Variants in ZPBP observed in about 807,000 individuals in gnomAD.
The protein encoded by ZPBP is zona pellucida-binding protein 1.
In ZPBP, 26 loss-of-function variants were observed where a neutral mutation model predicts 44.8. The ratio of observed to expected loss-of-function variants is 0.58; its 90% CI spans 0.43 to 0.81. The LOEUF is 0.81. ZPBP is among the 30% of genes least tolerant of loss of function. The probability of loss-of-function intolerance (pLI) is 0.00; values close to 1 mark genes in which losing one functional copy is unlikely to be tolerated. For missense variants in ZPBP, 409 were observed against 434.0 expected, an observed-to-expected ratio of 0.94 and a Z score of 0.51; for synonymous variants, 174 against 153.2, an observed-to-expected ratio of 1.14 and a Z score of -1.00.
intron 2 of ZPBP, among the ~76,000 whole-genome samples, chr7:50,086,284 G>A (rs1481640847): frequency 6.6e-6 from 1 of 151,956 alleles, no homozygotes; most frequent in East Asian, 1.9e-4. Context: ...TAAATGTCAA[G>A]TTTTCAACTA....
intron 2 of ZPBP, among the ~76,000 whole-genome samples, chr7:49,900,830 A>G (rs1792685008): frequency 6.6e-6 from 1 of 151,886 alleles, no homozygotes; most frequent in Non-Finnish European, 1.5e-5. Flanking sequence ...AAAGACTAAT[A>G]TTTCTTAAGA....
intron 7 of ZPBP, among the ~76,000 whole-genome samples, chr7:49,977,861 C>T (rs1047917589): frequency 2.0e-5 from 3 of 152,148 alleles, no homozygotes; most frequent in South Asian, 4.1e-4. Flanking sequence ...TCAGATATCT[C>T]AAACTCAGTG....
intron 3 of ZPBP, among the ~76,000 whole-genome samples, chr7:50,058,484 T>C (rs1801081105): frequency 6.6e-6 from 1 of 152,122 alleles, no homozygotes; most frequent in Admixed American, 6.5e-5. Flanking sequence ...CACATACATA[T>C]ATACATATAC....
At chr7:50,015,043 C>T (rs575092108) in intron 6 of ZPBP, among the ~76,000 whole-genome samples, 30 of 152,028 alleles carry the variant, frequency 2.0e-4, no homozygotes, top group Non-Finnish European at 4.0e-4. Flanking sequence ...CCATTGCCTG[C>T]AAATTCTGAA....
chr7:49,862,428 T>G (rs1346534721), intron 2 of ZPBP, among the ~76,000 whole-genome samples: 1 of 152,196 alleles, frequency 6.6e-6, no homozygotes, highest in African/African-American at 2.4e-5. Flanking sequence ...GAGATAGTTT[T>G]ATTTCTTCCT....
intron 1 of ZPBP, chr7:49,911,921 ACG>A: frequency 2.7e-6 from 2 of 743,212 alleles, no homozygotes; most frequent in Non-Finnish European, 3.7e-6. Context: ...AAACAAATAC[ACG>A]CACACACACA....
intron 1 of ZPBP, among the ~76,000 whole-genome samples, chr7:49,932,171 T>A (rs1004152354): frequency 3.3e-5 from 5 of 152,196 alleles, no homozygotes; most frequent in African/African-American, 1.2e-4. Context: ...AGCCCCCACA[T>A]GGAGTCCTCA....
chr7:49,969,711 C>T (rs1392094170), intron 7 of ZPBP, among the ~76,000 whole-genome samples: 2 of 151,174 alleles, frequency 1.3e-5, no homozygotes, highest in Non-Finnish European at 2.9e-5. Context: ...GCAAACAGCA[C>T]TGTATAAAAA....
chr7:49,886,926 T>TTG (rs1216060778), intron 2 of ZPBP, among the ~76,000 whole-genome samples: 5 of 152,164 alleles, frequency 3.3e-5, no homozygotes, highest in Non-Finnish European at 7.3e-5. Context: ...TATGGGTCCT[T>TTG]TTTAGTTATT....
At chr7:49,927,418 T>A (rs1221467798) in intron 1 of ZPBP, among the ~76,000 whole-genome samples, 1 of 152,118 alleles carries the variant, frequency 6.6e-6, no homozygotes, top group Non-Finnish European at 1.5e-5. Flanking sequence ...TGAGAATCTA[T>A]TTCCATCAAC....
Position 50,031,315 on chromosome 7 carries a change from A to C in ZPBP, c.488-5T>G, listed in dbSNP as rs1799598355. 6.2e-7 allele frequency: 1 copy of C among 1,605,074 alleles called. No homozygotes were observed. Among genetic ancestry groups the C allele is most frequent in the Admixed American group, 1.7e-5 (1 of 59,366 alleles). On this transcript the variant is annotated splice_polypyrimidine_tract_variant and splice_region_variant and intron_variant, in intron 4 of 7. Transcript: ENST00000046087. ...AATAATGAGGCTCACGATAAGCTGTAAAAAATTAACAAGAGAAAGACACAA... is the reference window on the plus strand; with the variant it reads ...AATAATGAGGCTCACGATAAGCTGTCAAAAATTAACAAGAGAAAGACACAA...
intron 2 of ZPBP, among the ~76,000 whole-genome samples, chr7:49,870,218 G>A (rs1053205254): frequency 6.6e-6 from 1 of 152,170 alleles, no homozygotes; most frequent in Non-Finnish European, 1.5e-5. Context: ...GGCTAAGACA[G>A]TGAAACTCCG....
At position 49,870,227 on chromosome 7, in the gene ZPBP, C is replaced by T. The variant is rs189001225; in HGVS notation, n.510-19713G>A. On this transcript the variant is annotated intron_variant and non_coding_transcript_variant, in intron 2 of 2. Coordinates refer to the ZPBP transcript ENST00000465922. ...CATCCTGGCTAAGACAGTGAAACTC[C>T]GTCTCTACTAAAAATACAAAAAATT... is the stretch of plus-strand genomic sequence containing the variant. 3.2e-3 allele frequency among the ~76,000 whole-genome samples: 486 copies of T among 152,108 alleles called. 6 individuals carry two copies. Among genetic ancestry groups the T allele is most frequent in the African/African-American group, 0.011 (451 of 41,502 alleles).
intron 6 of ZPBP, among the ~76,000 whole-genome samples, chr7:50,010,438 A>T (rs1273502431): frequency 6.6e-6 from 1 of 152,158 alleles, no homozygotes; most frequent in Non-Finnish European, 1.5e-5. Context: ...AAGTAAAATA[A>T]TCTTTAGCTT....
rs114496223 is a variant in ZPBP, at chr7:50,049,168, A to C, written c.487+8821T>G. Among the ~76,000 whole-genome samples, 690 of 152,220 alleles carry C rather than the reference A, an allele frequency of 4.5e-3. 3 individuals carry two copies. Among genetic ancestry groups the C allele is most frequent in the African/African-American group, 0.016 (671 of 41,582 alleles). On this transcript the variant is annotated intron_variant, in intron 4 of 7. Transcript: ENST00000046087. ...AGACCTGTAATAAAAAGGTTGAATT[A>C]GTAATCAAAAAACTACCTATGAAAA...
intron 1 of ZPBP, among the ~76,000 whole-genome samples, chr7:49,923,356 T>C (rs1040748789): frequency 6.6e-6 from 1 of 152,226 alleles, no homozygotes; most frequent in Non-Finnish European, 1.5e-5. Flanking sequence ...GTTTGATGCA[T>C]GTTTAATATT....
intron 7 of ZPBP, among the ~76,000 whole-genome samples, chr7:49,970,431 A>G (rs1469033880): frequency 6.7e-6 from 1 of 148,698 alleles, no homozygotes; most frequent in African/African-American, 2.5e-5. Flanking sequence ...ACCTAAGAGT[A>G]TTATACAGAA....
intron 1 of ZPBP, among the ~76,000 whole-genome samples, chr7:49,904,707 A>G (rs911875604): frequency 4.0e-5 from 6 of 151,746 alleles, no homozygotes; most frequent in African/African-American, 1.2e-4. Flanking sequence ...TATTTGAAGC[A>G]GGAAAAAATA....
chr7:50,046,827 T>A (rs1339762476), intron 4 of ZPBP, among the ~76,000 whole-genome samples: 1 of 152,194 alleles, frequency 6.6e-6, no homozygotes, highest in African/African-American at 2.4e-5. Flanking sequence ...ATCATTCTAC[T>A]ATAAAGACAC....
Sources: allele counts gnomAD v4.1 joint callset (sites outside exome capture counted in the v4.1 genomes callset), GRCh38; gene constraint gnomAD v4.1.1; transcripts MANE v1.5; gene names NCBI Gene and HGNC (gene_info 2026-07-23, HGNC 2026-07-21).